Variants in TEX14 observed in about 807,000 individuals in gnomAD.
TEX14 encodes testis expressed 14, intercellular bridge forming factor, also known as inactive serine/threonine-protein kinase TEX14.
Under a neutral mutation model 178.6 loss-of-function variants are expected in TEX14, and 168 were observed. That is an observed-to-expected ratio of 0.94 (90% CI 0.83 to 1.07). TEX14 has a LOEUF of 1.07. TEX14 is among the 50% of genes least tolerant of loss of function. The pLI is 0.00. For synonymous variants in TEX14, 626 were observed against 634.1 expected (o/e 0.99, Z 0.19); for missense variants, 1,730 against 1,753.6 (o/e 0.99, Z 0.24).
intron 10 of TEX14, among the ~76,000 whole-genome samples, chr17:58,608,927 C>T (rs1053978295): frequency 1.3e-5 from 2 of 152,202 alleles, no homozygotes; most frequent in African/African-American, 2.4e-5. Context: ...CTTAGGGAGG[C>T]TTCTGCTCCC....
rs914129830 is a variant in TEX14, at chr17:58,570,499, T to C, written c.3718-15A>G. On this transcript the variant is annotated splice_polypyrimidine_tract_variant and intron_variant, in intron 24 of 31. Coordinates refer to ENST00000349033, the MANE Select transcript of TEX14 (RefSeq NM_031272.5). ...GACAATCTTTTCTATAAGGAAGAGATAAACATGGTAACTGTCATGTGTGTT... is the reference window on the plus strand; with the variant it reads ...GACAATCTTTTCTATAAGGAAGAGACAAACATGGTAACTGTCATGTGTGTT... The C allele has an allele frequency of 7.3e-6, 11 of 1,505,158 alleles. No homozygotes were observed. In the Admixed American group the frequency reaches 7.8e-5, roughly 11 times the overall value. The allele number at this position is 1,505,158 out of a possible 1,614,324, so 93.2% of individuals were successfully genotyped here. A position where few individuals can be genotyped will look rare whatever the true frequency, so the allele number is the denominator to read the frequency against.
At chr17:58,565,392 C>T (rs1328494063) in intron 27 of TEX14, among the ~76,000 whole-genome samples, 1 of 152,208 alleles carries the variant, frequency 6.6e-6, no homozygotes, top group Non-Finnish European at 1.5e-5. Flanking sequence ...GGGATGTACC[C>T]TTTAATGTAT....
Position 58,604,967 on chromosome 17 carries a change from T to C in TEX14, c.1336+11A>G. On this transcript the variant is annotated intron_variant, in intron 11 of 31. Coordinates refer to ENST00000349033, the MANE Select transcript of TEX14 (RefSeq NM_031272.5). The stretch of plus-strand genomic sequence containing the variant: ...AGGGACTTTGGTCAACCATTAATGA[T>C]CTTGATCTACCTGTTAAAATCTCCT... 1 of 1,614,036 alleles carries C rather than the reference T, an allele frequency of 6.2e-7. No homozygotes were observed. Among genetic ancestry groups the C allele is most frequent in the South Asian group, 1.1e-5 (1 of 91,080 alleles).
At chr17:58,641,624 G>A (rs1300555274) in intron 2 of TEX14, among the ~76,000 whole-genome samples, 4 of 150,950 alleles carry the variant, frequency 2.6e-5, no homozygotes, top group Non-Finnish European at 4.4e-5. Context: ...CTCCTGCCTC[G>A]GCCTCCCTAA....
In TEX14 at chr17:58,634,161, C is replaced by T. The variant is rs528731132; in HGVS notation, c.137-3607G>A. ...GGTGTGGGGGCTCACGCCTGTAATC[C>T]CAGCACTTTGGGAAGCTGAGGTGGG... On this transcript the variant is annotated intron_variant, in intron 2 of 31. Transcript: ENST00000349033. Among the ~76,000 whole-genome samples the T allele has an allele frequency of 3.6e-4, 54 of 152,106 alleles. 1 individual carries two copies. The East Asian group carries it at 0.01, about 28-fold the overall frequency.
At chr17:58,666,716 C>T (rs1038657786) in intron 1 of TEX14, 1 of 152,160 alleles carries the variant, frequency 6.6e-6, no homozygotes, top group Admixed American at 6.5e-5. Flanking sequence ...TGCGTGACCC[C>T]AGCAATCCCC....
chr17:58,628,008 C>T (rs1476216430), intron 3 of TEX14, among the ~76,000 whole-genome samples: 1 of 149,330 alleles, frequency 6.7e-6, no homozygotes, highest in Non-Finnish European at 1.5e-5. Context: ...TCCCACCTCA[C>T]CTCCCAAATT....
At chr17:58,612,735 CAA>C (rs35618114) in intron 9 of TEX14, among the ~76,000 whole-genome samples, 19,543 of 97,214 alleles carry the variant, frequency 0.2, 1,434 homozygotes, top group Non-Finnish European at 0.25. Flanking sequence ...ACTCTTGTCT[CAA>C]AAAAAAAAAA....
chr17:58,604,378 G>C (rs1246334614), intron 11 of TEX14, among the ~76,000 whole-genome samples: 1 of 151,294 alleles, frequency 6.6e-6, no homozygotes, highest in African/African-American at 2.4e-5. Flanking sequence ...GGCTGAGGCA[G>C]AAGAATCGCT....
intron 24 of TEX14, 107 bp from the exon 25 acceptor site, chr17:58,570,591 C>A: frequency 5.5e-5 from 26 of 468,826 alleles, no homozygotes; most frequent in East Asian, 9.2e-5. Flanking sequence ...AACTCACTCA[C>A]ATGTCACCTC....
At chr17:58,683,514 G>A (rs972244480) in intron 1 of TEX14, among the ~76,000 whole-genome samples, 7 of 152,140 alleles carry the variant, frequency 4.6e-5, no homozygotes, top group Admixed American at 4.6e-4. Flanking sequence ...TGTAATCCCA[G>A]CACTTTGGGA....
At position 58,688,668 on chromosome 17, in the gene TEX14, A is replaced by C. The variant is rs1742328835; in HGVS notation, c.-2+3271T>G. Among the ~76,000 whole-genome samples, 2 of 152,172 alleles carry C rather than the reference A, an allele frequency of 1.3e-5. 1 individual carries two copies. Among genetic ancestry groups the C allele is most frequent in the Admixed American group, 1.3e-4 (2 of 15,256 alleles). On this transcript the variant is annotated intron_variant, in intron 1 of 31. Coordinates refer to ENST00000349033, the MANE Select transcript of TEX14 (RefSeq NM_031272.5). ...GACTGAGTAACTTGCTGAAGGTCAC[A>C]TAGTTGGTAACTTCCAGACATGTGA...
intron 21 of TEX14, among the ~76,000 whole-genome samples, chr17:58,576,592 A>C (rs2044682762): frequency 6.6e-6 from 1 of 152,200 alleles, no homozygotes; most frequent in Non-Finnish European, 1.5e-5. Flanking sequence ...CACAACCAGG[A>C]TATTGACATT....
rs147258026 is a variant in TEX14 at position 58,630,550 on chromosome 17, A to T, written c.141T>A (p.Ile47=). 2 of 1,610,320 alleles carry T rather than the reference A, an allele frequency of 1.2e-6. No homozygotes were observed. Among genetic ancestry groups the T allele is most frequent in the African/African-American group, 2.7e-5 (2 of 74,850 alleles). The change falls in exon 3 of 32, where the codon ATT becomes ATA. Residue 47 remains isoleucine, a synonymous_variant. Transcript: ENST00000349033. ...VKVKKILKKG[I]YVDAVNSLGQ... is the part of the protein sequence containing the mutation. ...CCAAGGAGTTAACTGCATCAACATAAATTCCTGCAAAGGAAATATCAGAAT... is the reference window on the plus strand; with the variant it reads ...CCAAGGAGTTAACTGCATCAACATATATTCCTGCAAAGGAAATATCAGAAT...
Position 58,579,676 on chromosome 17 carries a change from G to A in TEX14, c.3227C>T (p.Pro1076Leu). Residue 1076 changes from proline (P) to leucine (L), a missense_variant, in exon 20 of 32, where the codon CCT becomes CTT. Physicochemically the swap from Pro to Leu is moderately conservative, Grantham distance 98 (BLOSUM62 -3). Coordinates refer to ENST00000349033, the MANE Select transcript of TEX14 (RefSeq NM_031272.5). ...TAAGGGCTTATTACCAGAGACTTGA[G>A]GTTGGGCAAATGCACCTTGTATTCC... ...FEGIQGAFAQPQVSGEEKFQM... is the reference protein window; with the variant it reads ...FEGIQGAFAQLQVSGEEKFQM... The A allele has an allele frequency of 6.2e-7, 1 of 1,613,716 alleles. No homozygotes were observed. Among genetic ancestry groups the A allele is most frequent in the Non-Finnish European group, 8.5e-7 (1 of 1,179,670 alleles).
intron 1 of TEX14, among the ~76,000 whole-genome samples, chr17:58,673,119 A>C (rs948652887): frequency 1.3e-5 from 2 of 152,082 alleles, no homozygotes; most frequent in Non-Finnish European, 2.9e-5. Flanking sequence ...CCAAAGGGAA[A>C]TTTTGAAACT....
intron 22 of TEX14, 98 bp downstream of exon 22, chr17:58,574,089 C>G (rs181870603): frequency 2.3e-5 from 23 of 983,732 alleles, no homozygotes; most frequent in Non-Finnish European, 3.5e-5. Flanking sequence ...TAAGTCTACA[C>G]GTAAAAATGG....
In TEX14 at chr17:58,599,484, C is replaced by T. The variant is rs201938572; in HGVS notation, c.1861G>A (p.Glu621Lys). The T allele has an allele frequency of 3.5e-4, 569 of 1,613,170 alleles. 3 individuals are homozygous for T. Among genetic ancestry groups the T allele is most frequent in the Admixed American group, 1.3e-4 (8 of 59,906 alleles). ...CAGCCTGAGTAGATCTCGTTGATTT[C>T]GAAACTGCAGAGGCTTGGCTGACCT... The part of the protein sequence containing the change: ...STGQPSLCSF[E>K]INEIYSGCLI... The change falls in exon 14 of 32, where the codon GAA becomes AAA. Residue 621 changes from glutamate to lysine, a missense_variant. Physicochemically the swap from Glu to Lys is moderately conservative, Grantham distance 56. This residue lies in a region of TEX14 where 941 missense variants were observed against 1,072.4 expected (regional missense o/e 0.88). Transcript: ENST00000349033.
chr17:58,586,721 A>G (rs1011417116), intron 17 of TEX14, among the ~76,000 whole-genome samples: 1 of 151,706 alleles, frequency 6.6e-6, no homozygotes, highest in African/African-American at 2.4e-5. Context: ...ACATTGTTTC[A>G]TTGTAACTCT....
Sources: gnomAD v4.1 joint callset for allele counts (sites outside exome capture counted in the v4.1 genomes callset) on GRCh38, gnomAD v4.1.1 for gene constraint, gnomAD v4.1.1 regional missense constraint, MANE v1.5 for transcripts, NCBI Gene and HGNC (gene_info 2026-07-23, HGNC 2026-07-21) for gene names.